SMC1A: variants seen among roughly 807,000 people sequenced by gnomAD.
SMC1A encodes the protein structural maintenance of chromosomes protein 1A.
A neutral mutation model predicts 94.5 loss-of-function variants in SMC1A; 4 were observed. The ratio of observed to expected loss-of-function variants is 0.04; its 90% CI spans 0.02 to 0.10. The LOEUF is 0.10. Among genes scored for constraint, SMC1A ranks in the 10% least tolerant of loss-of-function variants. The probability of loss-of-function intolerance (pLI) is 1.00; values close to 1 mark genes in which losing one functional copy is unlikely to be tolerated. For synonymous variants in SMC1A, 345 were observed against 347.7 expected (o/e 0.99, Z 0.09); for missense variants, 304 against 989.0 (o/e 0.31, Z 9.29).
chrX:53,414,256 T>C (rs1556890971), intron 3 of SMC1A, among the ~76,000 whole-genome samples: 1 of 111,222 alleles, frequency 9.0e-6, no homozygotes, highest in East Asian at 2.8e-4. Flanking sequence ...AACATGCAGA[T>C]GGTATTTGGA....
At chrX:53,408,840 T>TAAAAAAA (rs1295569888) in intron 9 of SMC1A, among the ~76,000 whole-genome samples, 76 of 66,980 alleles carry the variant, frequency 1.1e-3, no homozygotes, top group Non-Finnish European at 1.1e-3. Context: ...GGTTGAAAAA[T>TAAAAAAA]AAAAAAAAAA....
At chrX:53,412,844 T>C in intron 5 of SMC1A, 56 bp downstream of exon 5, 1 of 1,210,199 alleles carries the variant, frequency 8.3e-7, no homozygotes, top group Non-Finnish European at 1.1e-6. Context: ...GGAACCCTAA[T>C]AAACAGCACG....
At chrX:53,380,465 C>T (rs1556885743) in intron 24 of SMC1A, among the ~76,000 whole-genome samples, 155 bp downstream of exon 24, 1 of 111,880 alleles carries the variant, frequency 8.9e-6, no homozygotes, top group African/African-American at 3.3e-5. Flanking sequence ...GCTGGCTAAG[C>T]CTCCAGAGGC....
intron 18 of SMC1A, among the ~76,000 whole-genome samples, chrX:53,395,279 G>C (rs782785875): frequency 8.9e-6 from 1 of 112,346 alleles, no homozygotes; most frequent in East Asian, 2.8e-4. Flanking sequence ...GGAGGCGGAG[G>C]CTGCAGTGAG....
Position 53,405,900 on chromosome X carries a change from T to C in SMC1A, c.1602A>G (p.Val534=). The change falls in exon 10 of 25, where the codon GTA becomes GTG. Residue 534 remains valine, a synonymous_variant. Coordinates refer to ENST00000322213, the MANE Select transcript of SMC1A (RefSeq NM_006306.4). ...CCATGTTCTTGCCCAAAACCTTGGT[T>C]ACAGCAATCTGATACTTCTTTTGTG... The part of the protein sequence containing the change: ...QPTQKKYQIA[V]TKVLGKNMDA... The C allele has an allele frequency of 8.3e-7, 1 of 1,211,634 alleles. No homozygotes were observed. Among genetic ancestry groups the C allele is most frequent in the Non-Finnish European group, 1.1e-6 (1 of 895,391 alleles).
chrX:53,413,007 G>A lies in SMC1A; in HGVS notation c.747C>T (p.Ile249=). ...NKELASKNKE[I]EKDKKRMDKV... is the part of the protein sequence containing the mutation. ...TGTCCATACGCTTCTTGTCCTTCTC[G>A]ATCTCCTTGTTCTTTGAGGCCAGTT... The change falls in exon 5 of 25, where the codon ATC becomes ATT. Residue 249 remains isoleucine, a synonymous_variant. Coordinates refer to ENST00000322213, the MANE Select transcript of SMC1A (RefSeq NM_006306.4). 1 of 1,208,082 alleles carries A rather than the reference G, an allele frequency of 8.3e-7. No individual in the cohort carries two copies. The highest frequency in any genetic ancestry group is 1.8e-5 in the South Asian group (1 of 56,865).
chrX:53,419,040 C>CAAAA (rs34765834), intron 1 of SMC1A, among the ~76,000 whole-genome samples: 1 of 36,737 alleles, frequency 2.7e-5, no homozygotes, highest in Non-Finnish European at 4.4e-5. Context: ...GACTCTGTCT[C>CAAAA]AAAAAAAAAA....
chrX:53,377,733 C>T lies in SMC1A; in HGVS notation c.*2370G>A, dbSNP rs1488895323. 9.0e-6 allele frequency: 1 copy of T among 110,645 alleles called. No homozygotes were observed. The highest frequency in any genetic ancestry group is 1.9e-5 in the Non-Finnish European group (1 of 52,916). 9.1% of individuals were successfully genotyped at this position (110,645 alleles called of 1,213,427 possible). ...AATGATCTAGATGCCAGCCAAATTGCTTCATATATATTTAATTTTCTCTTT... is the reference window on the plus strand; with the variant it reads ...AATGATCTAGATGCCAGCCAAATTGTTTCATATATATTTAATTTTCTCTTT... On this transcript the variant is annotated 3_prime_UTR_variant, in exon 25 of 25. Coordinates refer to ENST00000322213, the MANE Select transcript of SMC1A (RefSeq NM_006306.4).
At chrX:53,404,460 T>C (rs2075683493) in intron 13 of SMC1A, among the ~76,000 whole-genome samples, 1 of 110,895 alleles carries the variant, frequency 9.0e-6, no homozygotes, top group Non-Finnish European at 1.9e-5. Flanking sequence ...GCACTTTACA[T>C]GTTAACTCAT....
At chrX:53,408,389 A>C (rs2146601728) in intron 9 of SMC1A, among the ~76,000 whole-genome samples, 1 of 111,358 alleles carries the variant, frequency 9.0e-6, no homozygotes, top group Non-Finnish European at 1.9e-5. Context: ...CAGCCTCCAA[A>C]ACCAAGCCTG....
At chrX:53,414,342 G>C (rs977769301) in intron 3 of SMC1A, among the ~76,000 whole-genome samples, 1 of 110,940 alleles carries the variant, frequency 9.0e-6, no homozygotes, top group African/African-American at 3.3e-5. Flanking sequence ...CTCAAATTTC[G>C]GCCGACATCA....
intron 22 of SMC1A, chrX:53,382,028 C>T (rs2075585298): frequency 6.4e-6 from 3 of 470,283 alleles, no homozygotes; most frequent in Admixed American, 3.3e-5. Flanking sequence ...CCGGTGAGGA[C>T]ATGCTGAGCA....
chrX:53,386,683 GT>G (rs1381212506), intron 19 of SMC1A, among the ~76,000 whole-genome samples: 1 of 111,645 alleles, frequency 9.0e-6, no homozygotes, highest in African/African-American at 3.3e-5. Flanking sequence ...TGAATCTAAG[GT>G]GAAAGGCATA....
rs2146583272 is a variant in SMC1A, at chrX:53,383,262, C to T, written c.2974-9G>A. ...TCCTCAGCCTGGGCATCCTGTAAGC[C>T]CCAGGCCCAGCAATGTCAAGAAGGG... is the stretch of plus-strand genomic sequence containing the variant. On this transcript the variant is annotated splice_polypyrimidine_tract_variant and intron_variant, in intron 19 of 24. Transcript: ENST00000322213. 6.0e-6 allele frequency: 7 copies of T among 1,166,631 alleles called. No homozygotes were observed. Among genetic ancestry groups the T allele is most frequent in the African/African-American group, 1.8e-5 (1 of 56,343 alleles).
chrX:53,412,894 T>C lies in SMC1A; in HGVS notation c.854+6A>G. On this transcript the variant is annotated splice_donor_region_variant and intron_variant, in intron 5 of 24. Transcript: ENST00000322213. Reference sequence around the variant, plus strand: ...CACAAGTTGCAGGCCCAGGTCTGCCTCTTACTTGATCTCCTTCTCAATCTG... The same window carrying C: ...CACAAGTTGCAGGCCCAGGTCTGCCCCTTACTTGATCTCCTTCTCAATCTG... 1 of 1,209,305 alleles carries C rather than the reference T, an allele frequency of 8.3e-7. No homozygotes were observed. Among genetic ancestry groups the C allele is most frequent in the Non-Finnish European group, 1.1e-6 (1 of 893,548 alleles).
In SMC1A at chrX:53,380,069, G is replaced by A; in HGVS notation, c.*34C>T. 1 of 1,004,962 alleles carries A rather than the reference G, an allele frequency of 1.0e-6. No homozygotes were observed. Among genetic ancestry groups the A allele is most frequent in the Non-Finnish European group, 1.4e-6 (1 of 708,228 alleles). 82.8% of individuals were successfully genotyped at this position (1,004,962 alleles called of 1,213,427 possible). A position where few individuals can be genotyped will look rare whatever the true frequency, so the allele number is the denominator to read the frequency against. ...CAGAGATTGGGAGAGGGACAGCTTA[G>A]GGATCCAGACAGGGCGGGAGGGCAA... On this transcript the variant is annotated 3_prime_UTR_variant, in exon 25 of 25. Transcript: ENST00000322213.
Position 53,413,430 on chromosome X carries a change from A to G in SMC1A, c.417T>C (p.Ala139=). ...KARNFLVFQG[A]VESIAMKNPK... Reference sequence around the variant, plus strand: ...GGTTCTTCATGGCAATAGATTCCACAGCACCCTAGTAAAGGTCGAAACACT... The same window carrying G: ...GGTTCTTCATGGCAATAGATTCCACGGCACCCTAGTAAAGGTCGAAACACT... Residue 139 remains alanine, a synonymous_variant, in exon 4 of 25, where the codon GCT becomes GCC. Transcript: ENST00000322213. The G allele has an allele frequency of 8.3e-7, 1 of 1,208,828 alleles. No homozygotes were observed. Among genetic ancestry groups the G allele is most frequent in the Non-Finnish European group, 1.1e-6 (1 of 893,593 alleles).
At chrX:53,388,998 A>G (rs1469854814) in intron 19 of SMC1A, among the ~76,000 whole-genome samples, 2 of 99,974 alleles carry the variant, frequency 2.0e-5, no homozygotes, top group Non-Finnish European at 4.0e-5. Flanking sequence ...CTCCATCTCA[A>G]AAAAAAAAAA....
In SMC1A at chrX:53,399,577, T is replaced by C; in HGVS notation, c.2562+12A>G. 1 of 1,203,483 alleles carries C rather than the reference T, an allele frequency of 8.3e-7. No individual in the cohort carries two copies. The highest frequency in any genetic ancestry group is 3.0e-5 in the East Asian group (1 of 33,789). On this transcript the variant is annotated intron_variant, in intron 16 of 24. Transcript: ENST00000322213. ...AGTTATTAGTCTGTCTTTTAATTCT[T>C]TCCTTCCTTACCTTTTTGAGCTTTT...
Sources: allele counts gnomAD v4.1 joint callset (sites outside exome capture counted in the v4.1 genomes callset), GRCh38; gene constraint gnomAD v4.1.1; transcripts MANE v1.5; gene names NCBI Gene and HGNC (gene_info 2026-07-23, HGNC 2026-07-21).